Variants in CSMD3 observed in about 807,000 individuals in gnomAD.
The protein encoded by CSMD3 is CUB and Sushi multiple domains 3, also known as CUB and sushi domain-containing protein 3.
Under a neutral mutation model 435.2 loss-of-function variants are expected in CSMD3, and 177 were observed. That is an observed-to-expected ratio of 0.41 (90% CI 0.36 to 0.46). The LOEUF (loss-of-function observed/expected upper bound fraction) is 0.46. Ranked by LOEUF, CSMD3 falls within the 20% of genes least tolerant of loss-of-function variation. The pLI is 0.34. For synonymous variants in CSMD3, 1,656 were observed against 1,520.5 expected (o/e 1.09, Z -2.07); for missense variants, 4,265 against 4,504.6 (o/e 0.95, Z 1.52).
At chr8:113,302,328 A>C (rs986237362) in intron 2 of CSMD3, among the ~76,000 whole-genome samples, 1 of 143,776 alleles carries the variant, frequency 7.0e-6, no homozygotes, top group Non-Finnish European at 1.5e-5. Flanking sequence ...TAATAATATA[A>C]TATAATAATA....
chr8:112,505,022 G>A (rs1331360042), intron 29 of CSMD3, among the ~76,000 whole-genome samples: 1 of 152,022 alleles, frequency 6.6e-6, no homozygotes, highest in Middle Eastern at 3.2e-3. Context: ...CATTATTTCC[G>A]AACCCAAAGA....
At chr8:112,741,931 A>C (rs2077321346) in intron 13 of CSMD3, among the ~76,000 whole-genome samples, 1 of 151,858 alleles carries the variant, frequency 6.6e-6, no homozygotes, top group Non-Finnish European at 1.5e-5. Context: ...ATAGAAGAAA[A>C]CTGTTGAAGA....
rs1425284065 is a variant in CSMD3 at position 112,383,429 on chromosome 8, C to T, written c.6031+138G>A. On this transcript the variant is annotated intron_variant, in intron 37 of 70. Coordinates refer to ENST00000297405, the MANE Select transcript of CSMD3 (RefSeq NM_198123.2). ...TGATATCATCTTTAAATCTTTTAAA[C>T]TTCAGTCCTTGTATCTTTGTGTATA... The T allele has an allele frequency of 9.5e-6, 6 of 632,520 alleles. No homozygotes were observed. The East Asian group carries it at 1.7e-4, about 18-fold the overall frequency. 39.2% of individuals were successfully genotyped at this position (632,520 alleles called of 1,614,324 possible).
chr8:113,118,976 G>C (rs2131627382), intron 4 of CSMD3, among the ~76,000 whole-genome samples: 1 of 152,248 alleles, frequency 6.6e-6, no homozygotes, highest in African/African-American at 2.4e-5. Context: ...AGAGTAGTAA[G>C]AAGAGAATAG....
chr8:112,709,432 T>C (rs1289977152), intron 13 of CSMD3, among the ~76,000 whole-genome samples: 1 of 152,044 alleles, frequency 6.6e-6, no homozygotes, highest in African/African-American at 2.4e-5. Context: ...ACATTTTGAA[T>C]AGAGATTACT....
At chr8:113,234,220 ATT>A (rs1461355946) in intron 3 of CSMD3, among the ~76,000 whole-genome samples, 1 of 152,034 alleles carries the variant, frequency 6.6e-6, no homozygotes, top group Non-Finnish European at 1.5e-5. Context: ...GCTCCTGGAA[ATT>A]TTTCCCATGA....
At chr8:112,529,293 G>A (rs1825293013) in intron 27 of CSMD3, among the ~76,000 whole-genome samples, 1 of 152,120 alleles carries the variant, frequency 6.6e-6, no homozygotes, top group South Asian at 2.1e-4. Flanking sequence ...TCAGCACAGA[G>A]CAAATACACA....
chr8:112,917,054 T>C (rs575748231), intron 10 of CSMD3, among the ~76,000 whole-genome samples: 1 of 152,044 alleles, frequency 6.6e-6, no homozygotes, highest in South Asian at 2.1e-4. Context: ...TTCCATTGTT[T>C]ATAAAGAAAG....
intron 38 of CSMD3, among the ~76,000 whole-genome samples, chr8:112,357,741 T>A (rs532795206): frequency 6.6e-6 from 1 of 152,192 alleles, no homozygotes; most frequent in South Asian, 2.1e-4. Context: ...AGAATTGAGG[T>A]TTGGGAACCT....
At chr8:112,689,802 CA>C (rs2076091847) in intron 14 of CSMD3, 65 bp downstream of exon 14, 1 of 1,421,356 alleles carries the variant, frequency 7.0e-7, no homozygotes, top group Admixed American at 1.7e-5. Flanking sequence ...CAATTAATTA[CA>C]AAAGCAATTA....
intron 22 of CSMD3, 61 bp from the exon 23 acceptor site, chr8:112,587,296 A>C: frequency 8.4e-7 from 1 of 1,197,030 alleles, no homozygotes. Flanking sequence ...TTTTCAAGCA[A>C]TATCATGTAT....
chr8:112,492,649 A>T lies in CSMD3; in HGVS notation c.5118T>A (p.Asn1706Lys), dbSNP rs1479248733. 1 of 1,613,828 alleles carries T rather than the reference A, an allele frequency of 6.2e-7. No individual in the cohort carries two copies. The highest frequency in any genetic ancestry group is 8.5e-7 in the Non-Finnish European group (1 of 1,179,884). The change falls in exon 31 of 71, where the codon AAT (asparagine) becomes AAA (lysine). Residue 1706 changes from asparagine to lysine, a missense_variant. Transcript: ENST00000297405. ...TTCCAAGTCTGGTGCCATTCATTATATTGCCTGGATCAAAGCAGGACTCTC... is the reference window on the plus strand; with the variant it reads ...TTCCAAGTCTGGTGCCATTCATTATTTTGCCTGGATCAAAGCAGGACTCTC... Reference protein sequence around the residue: ...KLRESCFDPGNIMNGTRLGMD... With the variant: ...KLRESCFDPGKIMNGTRLGMD...
At chr8:112,474,941 C>A (rs375730338) in intron 31 of CSMD3, among the ~76,000 whole-genome samples, 22 of 152,176 alleles carry the variant, frequency 1.4e-4, no homozygotes, top group African/African-American at 5.3e-4. Context: ...CAAAGATGCA[C>A]CCCTCTCATC....
intron 58 of CSMD3, 106 bp from the exon 59 acceptor site, chr8:112,281,456 A>T: frequency 3.5e-6 from 3 of 864,082 alleles, no homozygotes; most frequent in Non-Finnish European, 5.6e-6. Context: ...AAGAAGCAAT[A>T]AAAACTTCTA....
chr8:113,229,225 T>A (rs1045002677), intron 3 of CSMD3, among the ~76,000 whole-genome samples: 3 of 151,686 alleles, frequency 2.0e-5, no homozygotes, highest in African/African-American at 7.2e-5. Flanking sequence ...TGTAAAATTA[T>A]GTGGTGCTGT....
At chr8:112,333,703 A>T (rs1212126815) in intron 45 of CSMD3, among the ~76,000 whole-genome samples, 1 of 140,024 alleles carries the variant, frequency 7.1e-6, no homozygotes, top group African/African-American at 2.5e-5. Flanking sequence ...CAACACTGAC[A>T]TCCTTTCCTT....
At position 112,261,591 on chromosome 8, in the gene CSMD3, C is replaced by G. The variant is rs117880283; in HGVS notation, c.9862+2048G>C. ...TGTAAATATAGGCACTATTATTTTA[C>G]TGCTAAAAAGAATGCTGACAACAAT... On this transcript the variant is annotated intron_variant, in intron 61 of 70. Coordinates refer to ENST00000297405, the MANE Select transcript of CSMD3 (RefSeq NM_198123.2). Among the ~76,000 whole-genome samples the G allele has an allele frequency of 2.2e-3, 340 of 151,966 alleles. 8 individuals carry two copies. The East Asian group carries it at 0.031, about 14-fold the overall frequency.
rs200311554 is a variant in CSMD3 at position 113,066,639 on chromosome 8, G to GA, written c.917+32116dup. Among the ~76,000 whole-genome samples, 1,407 of 151,994 alleles carry GA rather than the reference G, an allele frequency of 9.3e-3. 15 individuals carry two copies. Among genetic ancestry groups the GA allele is most frequent in the African/African-American group, 0.033 (1,353 of 41,498 alleles). ...GGGCTAGTATTCCTGCTATAAATCT[G>GA]AAAAAACAAGCTTCTCAAATATCAA... is the stretch of plus-strand genomic sequence containing the variant. On this transcript the variant is annotated intron_variant, in intron 5 of 70. Coordinates refer to ENST00000297405, the MANE Select transcript of CSMD3 (RefSeq NM_198123.2).
intron 5 of CSMD3, among the ~76,000 whole-genome samples, chr8:113,040,433 G>A (rs1325056751): frequency 6.6e-6 from 1 of 152,186 alleles, no homozygotes; most frequent in Non-Finnish European, 1.5e-5. Context: ...ACAGAGTAGG[G>A]TTAGGGCAGG....
Sources: gnomAD v4.1 joint callset for allele counts (sites outside exome capture counted in the v4.1 genomes callset) on GRCh38, gnomAD v4.1.1 for gene constraint, MANE v1.5 for transcripts, NCBI Gene and HGNC (gene_info 2026-07-23, HGNC 2026-07-21) for gene names.